Variants in RALGAPA2 observed in about 807,000 individuals in gnomAD.
RALGAPA2 encodes the protein Ral GTPase activating protein catalytic subunit alpha 2.
RALGAPA2 carries 139 observed loss-of-function variants against 230.4 expected under a neutral mutation model. The ratio of observed to expected loss-of-function variants is 0.60; its 90% CI spans 0.53 to 0.69. The LOEUF is 0.69. Ranked by LOEUF, RALGAPA2 falls within the 30% of genes least tolerant of loss-of-function variation. The probability of loss-of-function intolerance (pLI) is 0.00; values close to 1 mark genes in which losing one functional copy is unlikely to be tolerated. For synonymous variants in RALGAPA2, 847 were observed against 837.8 expected, an observed-to-expected ratio of 1.01 and a Z score of -0.19; for missense variants, 2,163 against 2,276.0, an observed-to-expected ratio of 0.95 and a Z score of 1.01.
At chr20:20,543,172 G>T (rs1472281528) in intron 24 of RALGAPA2, among the ~76,000 whole-genome samples, 1 of 152,054 alleles carries the variant, frequency 6.6e-6, no homozygotes, top group Admixed American at 6.6e-5. Flanking sequence ...AGCCTCCTGA[G>T]TAGCTGGGAC....
intron 3 of RALGAPA2, among the ~76,000 whole-genome samples, chr20:20,666,847 T>C (rs2067971426): frequency 6.6e-6 from 1 of 151,958 alleles, no homozygotes; most frequent in South Asian, 2.1e-4. Flanking sequence ...GCTTTTAATT[T>C]GTTTTCATTT....
rs376302020 is a variant in RALGAPA2 at position 20,468,909 on chromosome 20, A to G, written c.5495+3920T>C. Among the ~76,000 whole-genome samples the G allele has an allele frequency of 1.6e-4, 25 of 151,914 alleles. 1 individual carries two copies. The East Asian group carries it at 4.8e-3, about 29-fold the overall frequency. On this transcript the variant is annotated intron_variant, in intron 37 of 39. Coordinates refer to ENST00000202677, the MANE Select transcript of RALGAPA2 (RefSeq NM_020343.4). Reference sequence around the variant, plus strand: ...CCTGCTCTCTCTCAGAACCCCGTCCATGGCCCCTTAAATGTTTCCATCACC... The same window carrying G: ...CCTGCTCTCTCTCAGAACCCCGTCCGTGGCCCCTTAAATGTTTCCATCACC...
intron 23 of RALGAPA2, among the ~76,000 whole-genome samples, chr20:20,563,967 C>T (rs921116779): frequency 6.6e-6 from 1 of 152,098 alleles, no homozygotes; most frequent in Non-Finnish European, 1.5e-5. Flanking sequence ...CATTACCTTG[C>T]CCCTGGGCTA....
intron 16 of RALGAPA2, among the ~76,000 whole-genome samples, chr20:20,595,286 A>C (rs928309460): frequency 6.6e-6 from 1 of 152,184 alleles, no homozygotes; most frequent in African/African-American, 2.4e-5. Flanking sequence ...TTTATCCCTT[A>C]TACAAGGTTG....
At chr20:20,444,621 A>G (rs1406332235) in intron 37 of RALGAPA2, among the ~76,000 whole-genome samples, 6 of 152,154 alleles carry the variant, frequency 3.9e-5, no homozygotes, top group Non-Finnish European at 7.3e-5. Context: ...CTCCTGATAC[A>G]CTGCAGATTA....
chr20:20,563,863 C>T (rs971026411), intron 23 of RALGAPA2, among the ~76,000 whole-genome samples: 1 of 151,816 alleles, frequency 6.6e-6, no homozygotes, highest in South Asian at 2.1e-4. Context: ...CACATATGTG[C>T]ATATATATAC....
At chr20:20,511,977 T>C (rs1391043269) in intron 32 of RALGAPA2, among the ~76,000 whole-genome samples, 1 of 151,916 alleles carries the variant, frequency 6.6e-6, no homozygotes, top group Non-Finnish European at 1.5e-5. Context: ...AATCATGAGG[T>C]CAGTAGTTTG....
intron 37 of RALGAPA2, among the ~76,000 whole-genome samples, chr20:20,468,130 G>A (rs2061460026): frequency 1.3e-5 from 2 of 152,126 alleles, no homozygotes; most frequent in South Asian, 4.2e-4. Flanking sequence ...CTAAGAAATG[G>A]ATCCAAAACA....
intron 38 of RALGAPA2, among the ~76,000 whole-genome samples, chr20:20,403,385 G>A (rs1455921627): frequency 6.6e-6 from 1 of 152,146 alleles, no homozygotes; most frequent in Non-Finnish European, 1.5e-5. Flanking sequence ...TGTAGCAAAG[G>A]TGCATCCCTC....
intron 4 of RALGAPA2, among the ~76,000 whole-genome samples, chr20:20,651,932 AT>A (rs1302340977): frequency 6.6e-6 from 1 of 152,196 alleles, no homozygotes; most frequent in Non-Finnish European, 1.5e-5. Context: ...TTACATTTAA[AT>A]TTTTATTTTT....
In RALGAPA2 at chr20:20,414,483, C is replaced by T. The variant is rs182284492; in HGVS notation, c.5496-2335G>A. 2.0e-3 allele frequency among the ~76,000 whole-genome samples: 303 copies of T among 152,278 alleles called. 2 individuals carry two copies. Among genetic ancestry groups the T allele is most frequent in the African/African-American group, 6.5e-3 (271 of 41,552 alleles). ...ATGTTAATCAAGCTCATGATCAAAC[C>T]TACAAAGGGACGTTTTGCATAATAC... On this transcript the variant is annotated intron_variant, in intron 37 of 39. Coordinates refer to ENST00000202677, the MANE Select transcript of RALGAPA2 (RefSeq NM_020343.4).
At chr20:20,623,470 CA>C (rs1164002312) in intron 10 of RALGAPA2, among the ~76,000 whole-genome samples, 1 of 110,266 alleles carries the variant, frequency 9.1e-6, no homozygotes, top group Non-Finnish European at 1.9e-5. Context: ...ATAATTTTGC[CA>C]AAAATAGAGC....
intron 7 of RALGAPA2, among the ~76,000 whole-genome samples, chr20:20,639,130 C>T (rs2066949815): frequency 6.6e-6 from 1 of 152,004 alleles, no homozygotes; most frequent in South Asian, 2.1e-4. Context: ...CAGTGGGTGT[C>T]AAAAGAACAT....
rs1365456890 is a variant in RALGAPA2, at chr20:20,712,165, GA to G, written c.106+209del. Among the ~76,000 whole-genome samples, 2 of 152,094 alleles carry G rather than the reference GA, an allele frequency of 1.3e-5. No individual in the cohort carries two copies. The highest frequency in any genetic ancestry group is 2.9e-5 in the Non-Finnish European group (2 of 68,004). On this transcript the variant is annotated intron_variant, in intron 1 of 39. Transcript: ENST00000202677. This position sits in a 1 kb window ranked among gnomAD's most constrained non-coding sequence, Gnocchi z 5.5. The stretch of plus-strand genomic sequence containing the variant: ...CGAGAATCTGGGCTAAGTTTAACTC[GA>G]GGGCGACGGGAGCAGTGCCCGAGGG...
rs539660308 is a variant in RALGAPA2, at chr20:20,431,811, C to T, written c.5496-19663G>A. 3.9e-5 allele frequency among the ~76,000 whole-genome samples: 6 copies of T among 152,192 alleles called. No individual in the cohort carries two copies. The South Asian group carries it at 1.2e-3, about 32-fold the overall frequency. ...TCACACTGTACCCCATAAATATATG[C>T]AATTATTATCTGATGGTTCCAAATG... On this transcript the variant is annotated intron_variant, in intron 37 of 39. Coordinates refer to ENST00000202677, the MANE Select transcript of RALGAPA2 (RefSeq NM_020343.4).
intron 10 of RALGAPA2, among the ~76,000 whole-genome samples, chr20:20,625,541 AC>A (rs1235640613): frequency 6.6e-6 from 1 of 152,238 alleles, no homozygotes; most frequent in African/African-American, 2.4e-5. Flanking sequence ...CCTAAGTAAG[AC>A]ACTTTACCAA....
At position 20,712,277 on chromosome 20, in the gene RALGAPA2, C is replaced by T; in HGVS notation, c.106+98G>A. 4.5e-6 allele frequency: 5 copies of T among 1,116,598 alleles called. No individual in the cohort carries two copies. The highest frequency in any genetic ancestry group is 6.1e-6 in the Non-Finnish European group (5 of 814,054). 69.2% of individuals were successfully genotyped at this position (1,116,598 alleles called of 1,614,324 possible). A position where few individuals can be genotyped will look rare whatever the true frequency, so the allele number is the denominator to read the frequency against. On this transcript the variant is annotated intron_variant, in intron 1 of 39. Transcript: ENST00000202677. The surrounding 1 kb of genome is among the most constrained non-coding windows in gnomAD (Gnocchi z 5.5). ...GGTCGGACGCCCACCCATCCCCCTC[C>T]CCAGCCTCCCAGCCACCGACCCCTG...
At chr20:20,639,051 G>A (rs1568686459) in intron 7 of RALGAPA2, among the ~76,000 whole-genome samples, 3 of 152,182 alleles carry the variant, frequency 2.0e-5, no homozygotes, top group Non-Finnish European at 4.4e-5. Flanking sequence ...CCCTCCTTCT[G>A]GGCTGACCCT....
At chr20:20,546,620 C>G (rs765080857) in intron 24 of RALGAPA2, 84 bp downstream of exon 24, 167 of 1,467,768 alleles carry the variant, frequency 1.1e-4, no homozygotes, top group Middle Eastern at 3.7e-4. Context: ...TGAGTCAACA[C>G]CTGTTAAGAG....
Sources: allele counts gnomAD v4.1 joint callset (sites outside exome capture counted in the v4.1 genomes callset), GRCh38; gene constraint gnomAD v4.1.1; non-coding constraint Gnocchi (gnomAD v3.1); transcripts MANE v1.5; gene names NCBI Gene and HGNC (gene_info 2026-07-23, HGNC 2026-07-21).